PUS7L: variants seen among roughly 807,000 people sequenced by gnomAD.
PUS7L encodes pseudouridylate synthase PUS7L.
A neutral mutation model predicts 51.1 loss-of-function variants in PUS7L; 49 were observed. That is an observed-to-expected ratio of 0.96 (90% CI 0.76 to 1.22). PUS7L has a LOEUF of 1.22. Among genes scored for constraint, PUS7L ranks in the 50% most tolerant of loss-of-function variants. The pLI is 0.00. For synonymous variants in PUS7L, 277 were observed against 276.2 expected, an observed-to-expected ratio of 1.00 and a Z score of -0.03; for missense variants, 828 against 820.6, an observed-to-expected ratio of 1.01 and a Z score of -0.11.
intron 6 of PUS7L, 83 bp downstream of exon 6, chr12:43,738,227 A>G: frequency 1.3e-6 from 1 of 783,264 alleles, no homozygotes; most frequent in Non-Finnish European, 2.3e-6. Context: ...TTATGTTACA[A>G]TAAATGCTCT....
intron 4 of PUS7L, 70 bp downstream of exon 4, chr12:43,745,976 T>C (rs1305019452): frequency 6.0e-6 from 4 of 667,092 alleles, no homozygotes; most frequent in African/African-American, 5.8e-5. Flanking sequence ...AAGTTTCCCC[T>C]CTTGCCTCAG....
intron 7 of PUS7L, among the ~76,000 whole-genome samples, chr12:43,735,687 G>A (rs1407378996): frequency 6.6e-6 from 1 of 151,958 alleles, no homozygotes; most frequent in Non-Finnish European, 1.5e-5. Context: ...GGTCTAGAAA[G>A]ACACATAACA....
At position 43,748,672 on chromosome 12, in the gene PUS7L, A is replaced by G. The variant is rs1422592173; in HGVS notation, c.911-63T>C. On this transcript the variant is annotated intron_variant, in intron 2 of 8. Transcript: ENST00000344862. ...GCTACCATACATCAATTACATTCTT[A>G]GCTAACAGATTAGTATAATAAATCA... The G allele has an allele frequency of 4.0e-6, 5 of 1,247,906 alleles. No individual in the cohort carries two copies. The Admixed American group carries it at 7.3e-5, about 18-fold the overall frequency. 77.3% of individuals were successfully genotyped at this position (1,247,906 alleles called of 1,614,324 possible).
In PUS7L at chr12:43,748,527, A is replaced by C; in HGVS notation, c.993T>G (p.Asp331Glu). ...TGTCTTTAAGGCCTGCATAACTAAA[A>C]TCCGAAGGAATAACACCAAGTTTGA... Reference protein sequence around the residue: ...LAIKLGVIPSDFSYAGLKDKK... With the variant: ...LAIKLGVIPSEFSYAGLKDKK... Residue 331 changes from aspartate to glutamate, a missense_variant, in exon 3 of 9, where the codon GAT (aspartate) becomes GAG (glutamate). Transcript: ENST00000344862. The C allele has an allele frequency of 6.2e-7, 1 of 1,612,134 alleles. No homozygotes were observed. The highest frequency in any genetic ancestry group is 8.5e-7 in the Non-Finnish European group (1 of 1,179,450).
intron 2 of PUS7L, among the ~76,000 whole-genome samples, chr12:43,753,237 C>T (rs1938540772): frequency 6.6e-6 from 1 of 152,084 alleles, no homozygotes. Context: ...TTCATTTAAT[C>T]CTTCGAATAT....
In PUS7L at chr12:43,724,120, A is replaced by G. The variant is rs1944427228; in HGVS notation, c.*6256T>C. ...CTCCAACCTCTTTTCCTACCCTTAC[A>G]TTAATGTAAAAGACTTTGCATTAAA... On this transcript the variant is annotated 3_prime_UTR_variant, in exon 9 of 9. Coordinates refer to ENST00000344862, the MANE Select transcript of PUS7L (RefSeq NM_031292.5). The G allele has an allele frequency of 6.6e-6, 1 of 152,062 alleles. No individual in the cohort carries two copies. Among genetic ancestry groups the G allele is most frequent in the Admixed American group, 6.5e-5 (1 of 15,278 alleles). 9.4% of individuals were successfully genotyped at this position (152,062 alleles called of 1,614,324 possible).
At chr12:43,733,170 CCA>C (rs150731095) in intron 7 of PUS7L, among the ~76,000 whole-genome samples, 2 of 150,886 alleles carry the variant, frequency 1.3e-5, no homozygotes, top group Non-Finnish European at 1.5e-5. Context: ...TCCATCTTGC[CCA>C]CACACACACA....
chr12:43,731,391 A>C (rs1230033316), intron 8 of PUS7L, among the ~76,000 whole-genome samples: 2 of 152,192 alleles, frequency 1.3e-5, no homozygotes, highest in African/African-American at 4.8e-5. Context: ...TCAAAGGCAA[A>C]ACCATAGTGA....
intron 8 of PUS7L, among the ~76,000 whole-genome samples, chr12:43,731,411 G>A (rs1235162939): frequency 2.0e-5 from 3 of 152,104 alleles, no homozygotes; most frequent in Admixed American, 1.3e-4. Context: ...ACAGAAAACC[G>A]ATCAGGGGTT....
Position 43,730,683 on chromosome 12 carries a change from C to A in PUS7L, c.1799G>T (p.Gly600Val). 1.2e-6 allele frequency: 2 copies of A among 1,600,590 alleles called. No individual in the cohort carries two copies. Among genetic ancestry groups the A allele is most frequent in the Non-Finnish European group, 1.7e-6 (2 of 1,169,960 alleles). ...GTTCTTCGGGTACTGAATATTGTAT[C>A]CAAGTACTGGAAGAACCACCTGTGA... The part of the protein sequence containing the change: ...AIHQVVLPVL[G>V]YNIQYPKNKV... Residue 600 changes from glycine to valine, a missense_variant, in exon 9 of 9, where the codon GGA becomes GTA. Gly to Val is a moderately radical substitution (Grantham distance 109). Coordinates refer to ENST00000344862, the MANE Select transcript of PUS7L (RefSeq NM_031292.5).
At position 43,736,552 on chromosome 12, in the gene PUS7L, T is replaced by G. The variant is rs999592081; in HGVS notation, c.1554A>C (p.Ala518=). Reference sequence around the variant, plus strand: ...GCATGGAATGGGGTAAAGAGAACCATGCCTGGATACAACCTTCCTCGGTCA... The same window carrying G: ...GCATGGAATGGGGTAAAGAGAACCAGGCCTGGATACAACCTTCCTCGGTCA... ...FGMTEEGCIQ[A]WFSLPHSMRI... The change falls in exon 7 of 9, where the codon GCA becomes GCC. Residue 518 remains alanine (A), a synonymous_variant. Coordinates refer to ENST00000344862, the MANE Select transcript of PUS7L (RefSeq NM_031292.5). 1.2e-6 allele frequency: 2 copies of G among 1,613,914 alleles called. No homozygotes were observed. The highest frequency in any genetic ancestry group is 1.3e-5 in the African/African-American group (1 of 74,774).
chr12:43,749,356 A>C (rs1212307761), intron 2 of PUS7L, among the ~76,000 whole-genome samples: 1 of 152,216 alleles, frequency 6.6e-6, no homozygotes, highest in African/African-American at 2.4e-5. Flanking sequence ...GAAGACATGG[A>C]ATCAACCTAC....
At chr12:43,739,014 G>T in intron 5 of PUS7L, 1 of 156,794 alleles carries the variant, frequency 6.4e-6, no homozygotes. Context: ...TGTTTGTATT[G>T]TTACAGAAGA....
chr12:43,743,243 G>T (rs538777278), intron 4 of PUS7L, among the ~76,000 whole-genome samples: 2 of 152,138 alleles, frequency 1.3e-5, no homozygotes, highest in African/African-American at 4.8e-5. Flanking sequence ...AACCATTAAA[G>T]AAATTGGTCA....
chr12:43,745,896 G>T, intron 4 of PUS7L, 150 bp downstream of exon 4: 1 of 492,382 alleles, frequency 2.0e-6, no homozygotes. Context: ...AAGCCAAATG[G>T]CCCTAATTAT....
At position 43,729,230 on chromosome 12, in the gene PUS7L, T is replaced by G; in HGVS notation, c.*1146A>C. ...ATGAAAATATTGCAATAAGCAAATTTTGCATTGCATATAGCTTCTCTTCCT... is the reference window on the plus strand; with the variant it reads ...ATGAAAATATTGCAATAAGCAAATTGTGCATTGCATATAGCTTCTCTTCCT... On this transcript the variant is annotated 3_prime_UTR_variant, in exon 9 of 9. Transcript: ENST00000344862. 1 of 397,992 alleles carries G rather than the reference T, an allele frequency of 2.5e-6. No homozygotes were observed. The highest frequency in any genetic ancestry group is 1.3e-4 in the South Asian group (1 of 7,854). 24.7% of individuals were successfully genotyped at this position (397,992 alleles called of 1,614,324 possible).
Position 43,737,803 on chromosome 12 carries a change from G to A in PUS7L, c.1444+507C>T, listed in dbSNP as rs11182238. On this transcript the variant is annotated intron_variant, in intron 6 of 8. Transcript: ENST00000344862. ...GTTGAGAGTTAACCCCATGCAGTCT[G>A]ACTCAAGCCATACTCATAACCACTT... is the stretch of plus-strand genomic sequence containing the variant. 8.4e-3 allele frequency among the ~76,000 whole-genome samples: 1,271 copies of A among 152,144 alleles called. 15 individuals are homozygous for A. The highest frequency in any genetic ancestry group is 0.061 in the East Asian group (318 of 5,172).
chr12:43,736,325 A>C lies in PUS7L; in HGVS notation c.1725+56T>G, dbSNP rs929755508. On this transcript the variant is annotated intron_variant, in intron 7 of 8. Transcript: ENST00000344862. ...TTTCTATAATCAGGGCTTTTGAAAA[A>C]TTCATGTTCTGGTATAGTAACTACT... 19 of 1,437,100 alleles carry C rather than the reference A, an allele frequency of 1.3e-5. 1 individual carries two copies. The African/African-American group carries it at 2.6e-4, about 20-fold the overall frequency. The allele number at this position is 1,437,100 out of a possible 1,614,324, so 89.0% of individuals were successfully genotyped here.
intron 4 of PUS7L, among the ~76,000 whole-genome samples, chr12:43,744,379 A>G (rs1261553882): frequency 6.6e-6 from 1 of 152,136 alleles, no homozygotes; most frequent in Non-Finnish European, 1.5e-5. Flanking sequence ...AGTTCTCACG[A>G]TAGTGAGTTC....
Sources: allele counts gnomAD v4.1 joint callset (sites outside exome capture counted in the v4.1 genomes callset), GRCh38; gene constraint gnomAD v4.1.1; transcripts MANE v1.5; gene names NCBI Gene and HGNC (gene_info 2026-07-23, HGNC 2026-07-21).